CHD8: variants seen among roughly 807,000 people sequenced by gnomAD.
The protein encoded by CHD8 is chromodomain helicase DNA binding protein 8.
Under a neutral mutation model 279.2 loss-of-function variants are expected in CHD8, and 31 were observed. The ratio of observed to expected loss-of-function variants is 0.11; its 90% CI spans 0.08 to 0.15. CHD8 has a LOEUF of 0.15. Among genes scored for constraint, CHD8 ranks in the 10% least tolerant of loss-of-function variants. The pLI is 1.00. For synonymous variants in CHD8, 1,081 were observed against 1,139.6 expected, an observed-to-expected ratio of 0.95 and a Z score of 1.04; for missense variants, 2,146 against 3,230.5, an observed-to-expected ratio of 0.66 and a Z score of 8.14.
rs979761208 is a variant in CHD8, at chr14:21,410,176, A to G, written c.2227-188T>C. Among the ~76,000 whole-genome samples the G allele has an allele frequency of 2.0e-5, 3 of 152,236 alleles. No individual in the cohort carries two copies. The East Asian group carries it at 5.8e-4, about 29-fold the overall frequency. On this transcript the variant is annotated intron_variant, in intron 10 of 37. Transcript: ENST00000646647. The stretch of plus-strand genomic sequence containing the variant: ...CACTATATGGCTTTGATCATTCTTC[A>G]AAGCAATTTATCAGAATCTGTTCTA...
intron 16 of CHD8, among the ~76,000 whole-genome samples, chr14:21,404,417 A>C (rs937592724): frequency 6.6e-6 from 1 of 151,890 alleles, no homozygotes; most frequent in Admixed American, 6.6e-5. Flanking sequence ...AAAAAAAAAA[A>C]AAACTTAAAT....
In CHD8 at chr14:21,403,196, T is replaced by A; in HGVS notation, c.3535A>T (p.Ile1179Phe). Residue 1179 changes from isoleucine (I) to phenylalanine (F), a missense_variant, in exon 18 of 38, where the codon ATT becomes TTT. Ile to Phe is a conservative substitution (Grantham distance 21). Coordinates refer to ENST00000646647, the MANE Select transcript of CHD8 (RefSeq NM_001170629.2). The surrounding 1 kb of genome is among the most constrained non-coding windows in gnomAD (Gnocchi z 4.3). ...AGGTTGCCTCTAACTCGCCCATCAA[T>A]ACGTTCATATAAGTACCTGTATGGG... ...LIQRRYLYER[I>F]DGRVRGNLRQ... The A allele has an allele frequency of 6.2e-7, 1 of 1,613,784 alleles. No homozygotes were observed. The highest frequency in any genetic ancestry group is 1.7e-5 in the Admixed American group (1 of 59,942).
intron 5 of CHD8, among the ~76,000 whole-genome samples, chr14:21,422,354 A>C (rs1383141206): frequency 6.6e-6 from 1 of 152,102 alleles, no homozygotes; most frequent in Non-Finnish European, 1.5e-5. Flanking sequence ...AGGAAAAGAC[A>C]AGAAATGTCC....
At chr14:21,410,041 C>T in intron 10 of CHD8, 53 bp from the exon 11 acceptor site, 1 of 1,502,292 alleles carries the variant, frequency 6.7e-7, no homozygotes, top group Non-Finnish European at 9.0e-7. Context: ...TTCTCTGCTC[C>T]AGTTAAAGAA....
chr14:21,398,190 G>C (rs927816842), intron 26 of CHD8: 1 of 253,346 alleles, frequency 3.9e-6, no homozygotes, highest in African/African-American at 2.2e-5. Flanking sequence ...AAAGTGTTGG[G>C]ATTCCAGGTG....
chr14:21,404,113 A>T (rs1888154262), intron 16 of CHD8, among the ~76,000 whole-genome samples: 1 of 150,346 alleles, frequency 6.7e-6, no homozygotes, highest in South Asian at 2.1e-4. Flanking sequence ...AAAAAAAAAA[A>T]TCAGCCGGGT....
In CHD8 at chr14:21,385,592, A is replaced by G; in HGVS notation, c.*21T>C. 6.5e-7 allele frequency: 1 copy of G among 1,544,100 alleles called. No homozygotes were observed. The highest frequency in any genetic ancestry group is 1.2e-5 in the South Asian group (1 of 83,428). ...ATGAAAATACAGCAGCCGCCCAAGCAATGGGGCCCATGCTGGGGCTTCAGT... is the reference window on the plus strand; with the variant it reads ...ATGAAAATACAGCAGCCGCCCAAGCGATGGGGCCCATGCTGGGGCTTCAGT... On this transcript the variant is annotated 3_prime_UTR_variant, in exon 38 of 38. Coordinates refer to ENST00000646647, the MANE Select transcript of CHD8 (RefSeq NM_001170629.2).
At chr14:21,386,909 T>A (rs2139430985) in intron 37 of CHD8, among the ~76,000 whole-genome samples, 1 of 151,900 alleles carries the variant, frequency 6.6e-6, no homozygotes, top group Non-Finnish European at 1.5e-5. Flanking sequence ...TGAATTGACA[T>A]TTACAATAAT....
At position 21,428,075 on chromosome 14, in the gene CHD8, T is replaced by G; in HGVS notation, c.1395A>C (p.Val465=). The G allele has an allele frequency of 6.2e-7, 1 of 1,614,068 alleles. No individual in the cohort carries two copies. The highest frequency in any genetic ancestry group is 8.5e-7 in the Non-Finnish European group (1 of 1,179,910). Residue 465 remains valine, a synonymous_variant, in exon 4 of 38, where the codon GTA becomes GTC. Transcript: ENST00000646647. ...QKKQEKANRI[V]AEAIARARAR... ...CACGGGCTCTCGCAATGGCCTCTGC[T>G]ACAATCCGATTTGCTTTCTCTTGCT... is the stretch of plus-strand genomic sequence containing the variant.
chr14:21,402,891 C>A lies in CHD8; in HGVS notation c.3714+126G>T. 1 of 761,908 alleles carries A rather than the reference C, an allele frequency of 1.3e-6. No individual in the cohort carries two copies. The highest frequency in any genetic ancestry group is 2.1e-6 in the Non-Finnish European group (1 of 479,776). 47.2% of individuals were successfully genotyped at this position (761,908 alleles called of 1,614,324 possible). The stretch of plus-strand genomic sequence containing the variant: ...AGAAAACGTTTGCTGATTCCCTGAC[C>A]TAACTGCCACCCTTAACTAAGGAAA... On this transcript the variant is annotated intron_variant, in intron 18 of 37. Coordinates refer to ENST00000646647, the MANE Select transcript of CHD8 (RefSeq NM_001170629.2). The surrounding 1 kb of genome is among the most constrained non-coding windows in gnomAD (Gnocchi z 4.5).
In CHD8 at chr14:21,408,693, C is replaced by A; in HGVS notation, c.2486+11G>T. ...CTAAGCTTACATCTTATGGCCCATT[C>A]TTTCCTTTACCTGTTATACCAATTA... is the stretch of plus-strand genomic sequence containing the variant. On this transcript the variant is annotated intron_variant, in intron 12 of 37. Coordinates refer to ENST00000646647, the MANE Select transcript of CHD8 (RefSeq NM_001170629.2). The surrounding 1 kb of genome is among the most constrained non-coding windows in gnomAD (Gnocchi z 4.3). 1 of 1,608,000 alleles carries A rather than the reference C, an allele frequency of 6.2e-7. No individual in the cohort carries two copies. Among genetic ancestry groups the A allele is most frequent in the Non-Finnish European group, 8.5e-7 (1 of 1,177,240 alleles).
chr14:21,444,104 A>T (rs1325253369), intron 1 of CHD8, among the ~76,000 whole-genome samples: 1 of 152,182 alleles, frequency 6.6e-6, no homozygotes, highest in Non-Finnish European at 1.5e-5. Flanking sequence ...CTGTCCCATC[A>T]AGAAAATCAA....
chr14:21,431,100 C>T lies in CHD8; in HGVS notation c.544G>A (p.Gly182Ser), dbSNP rs755871275. The change falls in exon 2 of 38, where the codon GGT becomes AGT. Residue 182 changes from glycine (G) to serine (S), a missense_variant. Physicochemically the swap from Gly to Ser is moderately conservative, Grantham distance 56. This residue lies in a region of CHD8 where 302 missense variants were observed against 325.5 expected (regional missense o/e 0.93). Coordinates refer to ENST00000646647, the MANE Select transcript of CHD8 (RefSeq NM_001170629.2). ...AGGGGCTGAGCTGTGCTGGTGATACCTTGGGCCTGAATTTGTGCCACATGG... is the reference window on the plus strand; with the variant it reads ...AGGGGCTGAGCTGTGCTGGTGATACTTTGGGCCTGAATTTGTGCCACATGG... The part of the protein sequence containing the change: ...GAHVAQIQAQ[G>S]ITSTAQPLVA... The T allele has an allele frequency of 1.3e-6, 2 of 1,599,132 alleles. No homozygotes were observed. Among genetic ancestry groups the T allele is most frequent in the Non-Finnish European group, 1.7e-6 (2 of 1,179,632 alleles).
intron 5 of CHD8, among the ~76,000 whole-genome samples, chr14:21,418,816 G>A (rs190712161): frequency 4.3e-4 from 65 of 152,264 alleles, no homozygotes; most frequent in African/African-American, 1.4e-3. Context: ...GGGAGACTCC[G>A]TCTCAAAAAA....
At position 21,391,014 on chromosome 14, in the gene CHD8, T is replaced by C. The variant is rs1169004595; in HGVS notation, c.7115A>G (p.Asn2372Ser). ...TCCCAAACAGTTCAATTCTGCCTTATTATTTTTTTTACATCTTTGCCACTT... is the reference window on the plus strand; with the variant it reads ...TCCCAAACAGTTCAATTCTGCCTTACTATTTTTTTTACATCTTTGCCACTT... ...KQKWQRCKKN[N>S]KAELNCLGME... Residue 2372 changes from asparagine to serine, a missense_variant, in exon 37 of 38, where the codon AAT (asparagine) becomes AGT (serine). By Grantham distance (46) the Asn-to-Ser change is conservative. Coordinates refer to ENST00000646647, the MANE Select transcript of CHD8 (RefSeq NM_001170629.2). 4.4e-6 allele frequency: 7 copies of C among 1,603,486 alleles called. No homozygotes were observed. The highest frequency in any genetic ancestry group is 1.3e-5 in the African/African-American group (1 of 74,836).
At position 21,414,508 on chromosome 14, in the gene CHD8, A is replaced by C. The variant is rs1475926520; in HGVS notation, c.2025-90T>G. The C allele has an allele frequency of 8.6e-6, 6 of 699,056 alleles. No individual in the cohort carries two copies. In the African/African-American group the frequency reaches 1.1e-4, roughly 13 times the overall value. The allele number at this position is 699,056 out of a possible 1,614,324, so 43.3% of individuals were successfully genotyped here. A position where few individuals can be genotyped will look rare whatever the true frequency, so the allele number is the denominator to read the frequency against. On this transcript the variant is annotated intron_variant, in intron 8 of 37. Coordinates refer to ENST00000646647, the MANE Select transcript of CHD8 (RefSeq NM_001170629.2). Reference sequence around the variant, plus strand: ...ATTTTGGGATTAGTCAGAAGCAGACATAACAAATACAGGCTTAAATTGGGA... The same window carrying C: ...ATTTTGGGATTAGTCAGAAGCAGACCTAACAAATACAGGCTTAAATTGGGA...
chr14:21,430,772 A>C, intron 2 of CHD8, 29 bp downstream of exon 2: 2 of 1,505,474 alleles, frequency 1.3e-6, no homozygotes, highest in Non-Finnish European at 1.8e-6. Flanking sequence ...ATGAAACCAA[A>C]ATTCACCTCC....
rs930875380 is a variant in CHD8 at position 21,430,660 on chromosome 14, G to A, written c.843+141C>T. The stretch of plus-strand genomic sequence containing the variant: ...TCCAACCAGCAAGTACTAAGTATGT[G>A]GCTGTCACACTAACTGATAAAAACC... On this transcript the variant is annotated intron_variant, in intron 2 of 37. Coordinates refer to ENST00000646647, the MANE Select transcript of CHD8 (RefSeq NM_001170629.2). The A allele has an allele frequency of 1.5e-5, 9 of 612,684 alleles. No individual in the cohort carries two copies. In the Admixed American group the frequency reaches 1.8e-4, roughly 12 times the overall value. 38.0% of individuals were successfully genotyped at this position (612,684 alleles called of 1,614,324 possible).
chr14:21,408,241 T>C lies in CHD8; in HGVS notation c.2730+71A>G. On this transcript the variant is annotated intron_variant, in intron 13 of 37. Transcript: ENST00000646647. This position sits in a 1 kb window ranked among gnomAD's most constrained non-coding sequence, Gnocchi z 4.3. The stretch of plus-strand genomic sequence containing the variant: ...TCAATAAAAGTCTTCTATTCATATA[T>C]AGCCCTTAAAATACCAGGTACCTTG... The C allele has an allele frequency of 6.5e-7, 1 of 1,545,348 alleles. No individual in the cohort carries two copies. The highest frequency in any genetic ancestry group is 8.8e-7 in the Non-Finnish European group (1 of 1,139,722).
Sources: gnomAD v4.1 joint callset for allele counts (sites outside exome capture counted in the v4.1 genomes callset) on GRCh38, gnomAD v4.1.1 for gene constraint, gnomAD v4.1.1 regional missense constraint, Gnocchi (gnomAD v3.1) non-coding constraint, MANE v1.5 for transcripts, NCBI Gene and HGNC (gene_info 2026-07-23, HGNC 2026-07-21) for gene names.